The following PTPN12 variants were observed in gnomAD, a reference collection of about 807,000 sequenced individuals.
The protein encoded by PTPN12 is protein tyrosine phosphatase non-receptor type 12, also known as tyrosine-protein phosphatase non-receptor type 12.
In PTPN12, 29 loss-of-function variants were observed where a neutral mutation model predicts 97.6. That is an observed-to-expected ratio of 0.30 (90% CI 0.22 to 0.41). The LOEUF is 0.41. Ranked by LOEUF, PTPN12 falls within the 10% of genes least tolerant of loss-of-function variation. The pLI, the probability that PTPN12 is intolerant of heterozygous loss-of-function variation, is 1.00. For synonymous variants in PTPN12, 327 were observed against 300.4 expected, an observed-to-expected ratio of 1.09 and a Z score of -0.91; for missense variants, 819 against 926.0, an observed-to-expected ratio of 0.88 and a Z score of 1.50.
chr7:77,632,972 A>C (rs1478697886), intron 14 of PTPN12, among the ~76,000 whole-genome samples: 2 of 152,060 alleles, frequency 1.3e-5, no homozygotes, highest in East Asian at 3.9e-4. Context: ...TAAATAAATA[A>C]ATAAATGCAA....
chr7:77,585,171 A>C (rs1239174306), intron 4 of PTPN12: 1 of 152,894 alleles, frequency 6.5e-6, no homozygotes, highest in Non-Finnish European at 1.5e-5. Flanking sequence ...AAACGCATTC[A>C]ATATTTAAAT....
At chr7:77,555,730 C>G (rs1489366091) in intron 1 of PTPN12, among the ~76,000 whole-genome samples, 1 of 151,980 alleles carries the variant, frequency 6.6e-6, no homozygotes, top group Non-Finnish European at 1.5e-5. Flanking sequence ...CTGGCTAACA[C>G]GGTGAAACCC....
chr7:77,553,793 T>C (rs1807579844), intron 1 of PTPN12, among the ~76,000 whole-genome samples: 1 of 152,190 alleles, frequency 6.6e-6, no homozygotes, highest in African/African-American at 2.4e-5. Context: ...ACTGATAGCA[T>C]TGGATTAATG....
At chr7:77,595,480 A>T (rs1163538976) in intron 6 of PTPN12, among the ~76,000 whole-genome samples, 4 of 152,218 alleles carry the variant, frequency 2.6e-5, no homozygotes, top group Non-Finnish European at 5.9e-5. Context: ...ATGTTGCCAC[A>T]TGTAAGCACT....
At chr7:77,607,195 A>G (rs1386538570) in intron 8 of PTPN12, 40 bp from the exon 9 acceptor site, 2 of 1,442,342 alleles carry the variant, frequency 1.4e-6, no homozygotes, top group Admixed American at 2.1e-5. Flanking sequence ...TAGTTGTTTT[A>G]TCACAAAAAT....
At chr7:77,579,515 TAA>T (rs1453984229) in intron 2 of PTPN12, among the ~76,000 whole-genome samples, 1 of 152,226 alleles carries the variant, frequency 6.6e-6, no homozygotes, top group African/African-American at 2.4e-5. Flanking sequence ...AATAGTTTTA[TAA>T]GTGTTAATTT....
At chr7:77,613,179 T>G (rs1367606803) in intron 11 of PTPN12, among the ~76,000 whole-genome samples, 7 of 136,262 alleles carry the variant, frequency 5.1e-5, no homozygotes, top group East Asian at 4.2e-4. Context: ...TTTTTTTTTT[T>G]TTTTTTTTTT....
At chr7:77,575,769 G>A (rs1395558143) in intron 2 of PTPN12, among the ~76,000 whole-genome samples, 1 of 152,102 alleles carries the variant, frequency 6.6e-6, no homozygotes, top group East Asian at 1.9e-4. Context: ...CTGTTAATCA[G>A]CTTTCTGTCT....
chr7:77,579,371 C>T (rs531327058), intron 2 of PTPN12, among the ~76,000 whole-genome samples: 1 of 152,120 alleles, frequency 6.6e-6, no homozygotes, highest in Non-Finnish European at 1.5e-5. Flanking sequence ...GTGATCCGCC[C>T]ACCTTGGCCT....
At chr7:77,599,435 A>T (rs970211329) in intron 7 of PTPN12, among the ~76,000 whole-genome samples, 1 of 149,470 alleles carries the variant, frequency 6.7e-6, no homozygotes, top group African/African-American at 2.5e-5. Flanking sequence ...GACTATAGGG[A>T]TGAGCCACCA....
At chr7:77,544,087 C>T (rs922246922) in intron 1 of PTPN12, among the ~76,000 whole-genome samples, 2 of 152,154 alleles carry the variant, frequency 1.3e-5, no homozygotes, top group African/African-American at 2.4e-5. Flanking sequence ...GCGGAACTGC[C>T]AGACTGTTAT....
chr7:77,622,841 A>T (rs896323815), intron 12 of PTPN12, among the ~76,000 whole-genome samples: 5 of 151,866 alleles, frequency 3.3e-5, no homozygotes, highest in South Asian at 4.1e-4. Flanking sequence ...GAAAATAAGG[A>T]ACTCCATTTT....
chr7:77,538,540 C>T lies in PTPN12; in HGVS notation c.99+895C>T, dbSNP rs578245477. Among the ~76,000 whole-genome samples, 3 of 152,028 alleles carry T rather than the reference C, an allele frequency of 2.0e-5. No individual in the cohort carries two copies. The South Asian group carries it at 6.2e-4, about 32-fold the overall frequency. On this transcript the variant is annotated intron_variant, in intron 1 of 17. Coordinates refer to ENST00000248594, the MANE Select transcript of PTPN12 (RefSeq NM_002835.4). ...GGAGATAACCTTCCCAGCGCCCCCC[C>T]GCCTCCGCCACCCCCTACTTTCCGC...
At chr7:77,625,870 C>T (rs1368235317) in intron 12 of PTPN12, among the ~76,000 whole-genome samples, 1 of 151,752 alleles carries the variant, frequency 6.6e-6, no homozygotes, top group African/African-American at 2.4e-5. Flanking sequence ...ATGCCTGGCC[C>T]CTATTTCTTT....
intron 5 of PTPN12, among the ~76,000 whole-genome samples, chr7:77,585,807 T>C (rs1351493261): frequency 6.6e-6 from 1 of 152,168 alleles, no homozygotes; most frequent in Non-Finnish European, 1.5e-5. Flanking sequence ...CTCAGAGATA[T>C]TATAGGTTCA....
intron 15 of PTPN12, 79 bp from the exon 16 acceptor site, chr7:77,636,939 A>G (rs1789614070): frequency 2.7e-6 from 3 of 1,095,948 alleles, no homozygotes; most frequent in Admixed American, 2.2e-5. Flanking sequence ...TGGGATATAT[A>G]CCCATAACAG....
intron 2 of PTPN12, among the ~76,000 whole-genome samples, chr7:77,575,112 G>GTGT (rs963130552): frequency 6.6e-6 from 1 of 152,142 alleles, no homozygotes; most frequent in Non-Finnish European, 1.5e-5. Context: ...AGGATTACTG[G>GTGT]TGTGAGCCAC....
At chr7:77,571,248 C>CTA in intron 2 of PTPN12, 62 bp downstream of exon 2, 3 of 980,420 alleles carry the variant, frequency 3.1e-6, no homozygotes, top group Non-Finnish European at 4.6e-6. Context: ...TGTAACCTAA[C>CTA]TAGTTTTATT....
chr7:77,636,724 T>G (rs1789606683), intron 15 of PTPN12: 1 of 229,462 alleles, frequency 4.4e-6, no homozygotes, highest in Non-Finnish European at 8.5e-6. Context: ...AATTGACATA[T>G]AAAATACAAT....
Sources: allele counts gnomAD v4.1 joint callset (sites outside exome capture counted in the v4.1 genomes callset), GRCh38; gene constraint gnomAD v4.1.1; transcripts MANE v1.5; gene names NCBI Gene and HGNC (gene_info 2026-07-23, HGNC 2026-07-21).